The following ANKRD18B variants were observed in gnomAD, a reference collection of about 807,000 sequenced individuals.
The protein encoded by ANKRD18B is ankyrin repeat domain 18B, also known as ankyrin repeat domain-containing protein 18B.
In ANKRD18B, 75 loss-of-function variants were observed where a neutral mutation model predicts 111.8. The ratio of observed to expected loss-of-function variants is 0.67; its 90% CI spans 0.56 to 0.81. The LOEUF is 0.81. ANKRD18B is among the 40% of genes least tolerant of loss of function. The pLI is 0.00. For synonymous variants in ANKRD18B, 356 were observed against 417.3 expected, an observed-to-expected ratio of 0.85 and a Z score of 1.79; for missense variants, 1,038 against 1,225.5, an observed-to-expected ratio of 0.85 and a Z score of 2.28.
downstream of ANKRD18B, among the ~76,000 whole-genome samples, chr9:33,575,262 A>G (rs1828845223): frequency 6.6e-6 from 1 of 152,176 alleles, no homozygotes; most frequent in African/African-American, 2.4e-5. Context: ...CTCCATGATA[A>G]CCAAGATGCA....
At chr9:33,536,999 A>T (rs1828211517) in intron 6 of ANKRD18B, 54 bp downstream of exon 6, 1 of 1,362,004 alleles carries the variant, frequency 7.3e-7, no homozygotes, top group African/African-American at 1.5e-5. Flanking sequence ...TACTGATTTT[A>T]AAAAGCAAAA....
chr9:33,525,253 T>G (rs1828010336), intron 1 of ANKRD18B, among the ~76,000 whole-genome samples: 1 of 152,226 alleles, frequency 6.6e-6, no homozygotes, highest in Admixed American at 6.5e-5. Flanking sequence ...TTAAAATGTT[T>G]ATGATGGAGT....
At position 33,548,285 on chromosome 9, in the gene ANKRD18B, T is replaced by G. The variant is rs1413083983; in HGVS notation, c.1497T>G (p.Thr499=). The G allele has an allele frequency of 6.4e-7, 1 of 1,550,764 alleles. No homozygotes were observed. Among genetic ancestry groups the G allele is most frequent in the Non-Finnish European group, 8.7e-7 (1 of 1,146,640 alleles). ...AATCCCTCCATTCTAACTTGGCCACTGCTATAAATGAGTACAATGAAATTT... is the reference window on the plus strand; with the variant it reads ...AATCCCTCCATTCTAACTTGGCCACGGCTATAAATGAGTACAATGAAATTT... ...EVESLHSNLA[T]AINEYNEILE... is the part of the protein sequence containing the mutation. Residue 499 remains threonine, a synonymous_variant, in exon 11 of 19, where the codon ACT becomes ACG. Coordinates refer to ENST00000684830, the MANE Select transcript of ANKRD18B (RefSeq NM_001393611.1).
At chr9:33,526,889 A>T (rs1026228972) in intron 1 of ANKRD18B, among the ~76,000 whole-genome samples, 1 of 152,202 alleles carries the variant, frequency 6.6e-6, no homozygotes, top group Non-Finnish European at 1.5e-5. Context: ...TGGTTTATAG[A>T]AGTTGTATTT....
At chr9:33,544,461 C>T (rs1056314309) in intron 10 of ANKRD18B, among the ~76,000 whole-genome samples, 1 of 152,006 alleles carries the variant, frequency 6.6e-6, no homozygotes, top group African/African-American at 2.4e-5. Flanking sequence ...ACTTTTGCAC[C>T]TGCAAAAAAA....
chr9:33,572,261 T>A, intron 18 of ANKRD18B, 55 bp from the exon 19 acceptor site: 2 of 1,392,286 alleles, frequency 1.4e-6, no homozygotes, highest in Middle Eastern at 2.1e-4. Flanking sequence ...AAACTTACAC[T>A]TCGTTAACTG....
chr9:33,572,149 T>C, intron 18 of ANKRD18B, 167 bp from the exon 19 acceptor site: 1 of 613,098 alleles, frequency 1.6e-6, no homozygotes, highest in Non-Finnish European at 2.9e-6. Context: ...CAATTAGAAT[T>C]AGTGCCATGT....
intron 16 of ANKRD18B, among the ~76,000 whole-genome samples, chr9:33,568,403 T>C (rs485687): frequency 3.9e-5 from 6 of 152,352 alleles, no homozygotes; most frequent in East Asian, 1.9e-4. Flanking sequence ...CCTGTTGAGC[T>C]GTACATCACT....
intron 17 of ANKRD18B, among the ~76,000 whole-genome samples, chr9:33,569,560 C>T (rs1828738706): frequency 6.6e-6 from 1 of 151,988 alleles, no homozygotes; most frequent in Non-Finnish European, 1.5e-5. Flanking sequence ...GTGCCCAGCC[C>T]ATACTATTTT....
intron 3 of ANKRD18B, among the ~76,000 whole-genome samples, chr9:33,529,921 A>C (rs888258646): frequency 1.3e-5 from 2 of 152,186 alleles, no homozygotes; most frequent in African/African-American, 4.8e-5. Context: ...CCCGGCAAAA[A>C]CAGCCACTTA....
chr9:33,536,379 A>G (rs1364183729), intron 5 of ANKRD18B, among the ~76,000 whole-genome samples: 2 of 152,230 alleles, frequency 1.3e-5, no homozygotes, highest in African/African-American at 2.4e-5. Flanking sequence ...AACACTCATC[A>G]GGTTTTATTT....
intron 13 of ANKRD18B, among the ~76,000 whole-genome samples, chr9:33,557,286 G>A (rs1327693866): frequency 6.6e-6 from 1 of 151,892 alleles, no homozygotes; most frequent in Admixed American, 6.6e-5. Flanking sequence ...ATTGAATAAT[G>A]TCCTTGTGCT....
At chr9:33,532,896 ATGTAATATAGTTT>A (rs1287136086) in intron 3 of ANKRD18B, among the ~76,000 whole-genome samples, 2 of 152,206 alleles carry the variant, frequency 1.3e-5, no homozygotes, top group Admixed American at 1.3e-4. Context: ...ATTGTTGGCC[ATGTAATATAGTTT>A]TGTAATACTT....
intron 3 of ANKRD18B, 128 bp downstream of exon 3, chr9:33,529,301 A>G: frequency 7.5e-7 from 1 of 1,334,354 alleles, no homozygotes; most frequent in Non-Finnish European, 1.0e-6. Flanking sequence ...AATTGTCTAA[A>G]ATTTTACTTT....
intron 5 of ANKRD18B, among the ~76,000 whole-genome samples, chr9:33,535,971 A>T (rs1828195048): frequency 6.6e-6 from 1 of 151,900 alleles, no homozygotes; most frequent in Admixed American, 6.6e-5. Context: ...AAATGAGGAA[A>T]CATCAACTTC....
At chr9:33,535,446 T>C (rs554442206) in intron 5 of ANKRD18B, among the ~76,000 whole-genome samples, 262 of 151,956 alleles carry the variant, frequency 1.7e-3, no homozygotes, top group African/African-American at 5.9e-3. Context: ...CCACCATCCC[T>C]GGCTAATTTT....
At chr9:33,568,574 G>A in intron 16 of ANKRD18B, 97 bp from the exon 17 acceptor site, 1 of 1,085,880 alleles carries the variant, frequency 9.2e-7, no homozygotes. Context: ...TGGGTAATTT[G>A]GTTTACTCTC....
rs1452649155 is a variant in ANKRD18B at position 33,552,925 on chromosome 9, G to T, written c.2217+2346G>T. On this transcript the variant is annotated intron_variant, in intron 12 of 18. Transcript: ENST00000684830. ...TCCCAACATCCCAGTGAAGTAGATG[G>T]TATTATTCTCTCCATTTCATAGATA... 2.6e-5 allele frequency among the ~76,000 whole-genome samples: 4 copies of T among 152,212 alleles called. No homozygotes were observed. In the East Asian group the frequency reaches 7.7e-4, roughly 29 times the overall value.
rs577614483 is a variant in ANKRD18B, at chr9:33,524,514, A to G, written c.25A>G (p.Arg9Gly). 1.3e-3 allele frequency: 1,966 copies of G among 1,550,342 alleles called. 2 individuals are homozygous for G. The highest frequency in any genetic ancestry group is 1.6e-3 in the Non-Finnish European group (1,849 of 1,146,502). ...CATGAGGAAGCTCCTCAGTTTTGGG[A>G]GACGCCTGGGCCAGGCGCTCCTGAG... MRKLLSFG[R>G]RLGQALLSSM... The change falls in exon 1 of 19, where the codon AGA becomes GGA. Residue 9 changes from arginine (R) to glycine (G), a missense_variant. Physicochemically the swap from Arg to Gly is moderately radical, Grantham distance 125. Transcript: ENST00000684830.
Sources: allele counts gnomAD v4.1 joint callset (sites outside exome capture counted in the v4.1 genomes callset), GRCh38; gene constraint gnomAD v4.1.1; transcripts MANE v1.5; gene names NCBI Gene and HGNC (gene_info 2026-07-23, HGNC 2026-07-21).